AR: variants seen among roughly 807,000 people sequenced by gnomAD.
The protein encoded by AR is androgen receptor.
A neutral mutation model predicts 53.9 loss-of-function variants in AR; 8 were observed. The observed-to-expected ratio is 0.15, with a 90% CI of 0.09 to 0.27. The LOEUF (loss-of-function observed/expected upper bound fraction) is 0.27. Ranked by LOEUF, AR falls within the 10% of genes least tolerant of loss-of-function variation. The pLI is 1.00. For synonymous variants in AR, 359 were observed against 316.4 expected, an observed-to-expected ratio of 1.13 and a Z score of -1.43; for missense variants, 639 against 742.5, an observed-to-expected ratio of 0.86 and a Z score of 1.62.
chrX:67,628,849 G>C lies in AR; in HGVS notation c.1617-14407G>C, dbSNP rs959765346. ...TTATTGAGAGTTTTTAGCATGAAGC[G>C]TTATTGAATTTTGTCAAAGGCCTTT... On this transcript the variant is annotated intron_variant, in intron 1 of 7. Coordinates refer to ENST00000374690, the MANE Select transcript of AR (RefSeq NM_000044.6). 6.3e-5 allele frequency among the ~76,000 whole-genome samples: 7 copies of C among 111,685 alleles called. No individual in the cohort carries two copies. In the South Asian group the frequency reaches 2.6e-3, roughly 42 times the overall value.
chrX:67,616,949 G>A (rs1924149447), intron 1 of AR, among the ~76,000 whole-genome samples: 1 of 111,344 alleles, frequency 9.0e-6, no homozygotes, highest in African/African-American at 3.3e-5. Context: ...TAAGGCCTCA[G>A]AAATAAGGCC....
intron 1 of AR, among the ~76,000 whole-genome samples, chrX:67,588,273 C>A (rs190291969): frequency 2.7e-5 from 3 of 112,100 alleles, no homozygotes; most frequent in Non-Finnish European, 3.8e-5. Context: ...GAGCAGATTT[C>A]TCAAGCTGCC....
chrX:67,610,645 CCTT>C (rs1923840007), intron 1 of AR, among the ~76,000 whole-genome samples: 1 of 111,245 alleles, frequency 9.0e-6, no homozygotes, highest in Non-Finnish European at 1.9e-5. Flanking sequence ...AATTAATAGA[CCTT>C]ATATATGCTT....
chrX:67,594,209 G>T (rs2147368887), intron 1 of AR, among the ~76,000 whole-genome samples: 1 of 111,652 alleles, frequency 9.0e-6, no homozygotes, highest in Non-Finnish European at 1.9e-5. Context: ...GCCCTGGCTG[G>T]TCTCAGAATC....
chrX:67,678,784 T>G (rs1338866544), intron 2 of AR, among the ~76,000 whole-genome samples: 3 of 111,484 alleles, frequency 2.7e-5, no homozygotes, highest in Non-Finnish European at 5.6e-5. Context: ...GGACACTTAG[T>G]TTGCTTCCAT....
intron 1 of AR, among the ~76,000 whole-genome samples, chrX:67,607,031 G>GT (rs765496242): frequency 0.02 from 2,103 of 104,900 alleles, 44 homozygotes; most frequent in African/African-American, 0.064. Flanking sequence ...TTGTGTTTTT[G>GT]TTTTTTTTTT....
intron 1 of AR, among the ~76,000 whole-genome samples, chrX:67,613,407 T>C (rs950550161): frequency 9.0e-6 from 1 of 111,513 alleles, no homozygotes; most frequent in Non-Finnish European, 1.9e-5. Context: ...AAGGGCACTG[T>C]CAAAAATAAT....
Position 67,724,432 on chromosome X carries a change from A to T in AR, c.*591A>T, listed in dbSNP as rs1479614770. The T allele has an allele frequency of 1.7e-5, 3 of 174,094 alleles. No homozygotes were observed. The highest frequency in any genetic ancestry group is 8.9e-5 in the African/African-American group (3 of 33,722). 14.3% of individuals were successfully genotyped at this position (174,094 alleles called of 1,213,427 possible). A position where few individuals can be genotyped will look rare whatever the true frequency, so the allele number is the denominator to read the frequency against. ...CCCCAAAGAGGCCAATAGTGACGAG[A>T]AGGTGAAAATTGCAGGCCCATGGGG... On this transcript the variant is annotated 3_prime_UTR_variant, in exon 8 of 8. Coordinates refer to ENST00000374690, the MANE Select transcript of AR (RefSeq NM_000044.6).
At chrX:67,556,343 G>C (rs983830072) in intron 1 of AR, among the ~76,000 whole-genome samples, 1 of 111,353 alleles carries the variant, frequency 9.0e-6, no homozygotes. Flanking sequence ...AAACATGAGA[G>C]TCAGAGAGGC....
At chrX:67,553,584 G>A (rs954927977) in intron 1 of AR, among the ~76,000 whole-genome samples, 1 of 111,739 alleles carries the variant, frequency 8.9e-6, no homozygotes, top group Non-Finnish European at 1.9e-5. Flanking sequence ...CAATTTCTAC[G>A]AAGAAGTCAG....
intron 2 of AR, among the ~76,000 whole-genome samples, chrX:67,652,127 A>G (rs1200874045): frequency 8.9e-6 from 1 of 111,855 alleles, no homozygotes; most frequent in Non-Finnish European, 1.9e-5. Flanking sequence ...TCAATGTCAG[A>G]AAATAGAGAA....
chrX:67,701,490 G>A (rs1316458442), intron 3 of AR, among the ~76,000 whole-genome samples: 4 of 111,880 alleles, frequency 3.6e-5, no homozygotes, highest in African/African-American at 1.3e-4. Flanking sequence ...ACTAACTAAC[G>A]TCGAAAGTCC....
intron 2 of AR, among the ~76,000 whole-genome samples, chrX:67,670,032 T>TA (rs1569301185): frequency 1.0e-5 from 1 of 98,601 alleles, no homozygotes; most frequent in Non-Finnish European, 2.0e-5. Context: ...TATTATTTTT[T>TA]AAAAAATTTC....
chrX:67,619,788 G>A (rs1329369810), intron 1 of AR, among the ~76,000 whole-genome samples: 4 of 111,257 alleles, frequency 3.6e-5, no homozygotes, highest in African/African-American at 1.3e-4. Flanking sequence ...ATGTTGTGAT[G>A]TGTACTGGAG....
At chrX:67,626,876 C>T (rs771044886) in intron 1 of AR, among the ~76,000 whole-genome samples, 2,006 of 97,514 alleles carry the variant, frequency 0.021, 66 homozygotes, top group African/African-American at 0.071. Context: ...TGAGAACATG[C>T]GGTGTTTGGT....
Position 67,642,255 on chromosome X carries a change from C to T in AR, c.1617-1001C>T, listed in dbSNP as rs758516598. On this transcript the variant is annotated intron_variant, in intron 1 of 7. Coordinates refer to ENST00000374690, the MANE Select transcript of AR (RefSeq NM_000044.6). ...AATGTCACTTGAGTTTTGTTTAATG[C>T]TTAGGCATAAGACATAGGAATGACA... 2.7e-5 allele frequency among the ~76,000 whole-genome samples: 3 copies of T among 112,051 alleles called. 1 individual carries two copies. The highest frequency in any genetic ancestry group is 9.7e-5 in the African/African-American group (3 of 30,923).
At chrX:67,655,294 G>C (rs905256005) in intron 2 of AR, among the ~76,000 whole-genome samples, 1 of 110,533 alleles carries the variant, frequency 9.0e-6, no homozygotes, top group South Asian at 3.9e-4. Context: ...AGAAGGGGTT[G>C]GTTCTTCATT....
intron 3 of AR, among the ~76,000 whole-genome samples, chrX:67,691,837 C>G (rs973241251): frequency 8.9e-6 from 1 of 111,831 alleles, no homozygotes; most frequent in Non-Finnish European, 1.9e-5. Flanking sequence ...CGTTGTCATA[C>G]ACAAAGGATA....
At chrX:67,698,967 A>G (rs985362541) in intron 3 of AR, among the ~76,000 whole-genome samples, 1 of 111,880 alleles carries the variant, frequency 8.9e-6, no homozygotes, top group African/African-American at 3.3e-5. Context: ...CGTTTTATAA[A>G]TGAGGAAACT....
Sources: gnomAD v4.1 joint callset for allele counts (sites outside exome capture counted in the v4.1 genomes callset) on GRCh38, gnomAD v4.1.1 for gene constraint, MANE v1.5 for transcripts, NCBI Gene and HGNC (gene_info 2026-07-23, HGNC 2026-07-21) for gene names.